PROS1: variants seen among roughly 807,000 people sequenced by gnomAD.
The protein encoded by PROS1 is vitamin K-dependent protein S.
In PROS1, 29 loss-of-function variants were observed where a neutral mutation model predicts 75.9. The ratio of observed to expected loss-of-function variants is 0.38; its 90% CI spans 0.28 to 0.52. The LOEUF (loss-of-function observed/expected upper bound fraction) is 0.52, where lower values mean the gene tolerates loss of function less well. Ranked by LOEUF, PROS1 falls within the 20% of genes least tolerant of loss-of-function variation. The pLI, the probability that PROS1 is intolerant of heterozygous loss-of-function variation, is 0.83. For missense variants in PROS1, 680 were observed against 810.3 expected (o/e 0.84, Z 1.95); for synonymous variants, 245 against 280.6 (o/e 0.87, Z 1.27).
At chr3:93,915,758 C>A (rs1223196097) in intron 3 of PROS1, among the ~76,000 whole-genome samples, 2 of 152,142 alleles carry the variant, frequency 1.3e-5, no homozygotes, top group African/African-American at 4.8e-5. Context: ...TAAGAAGTTA[C>A]ATTCTTTTCC....
chr3:93,905,775 T>C lies in PROS1; in HGVS notation c.601+9A>G, dbSNP rs764788378. 1.1e-5 allele frequency: 18 copies of C among 1,610,770 alleles called. No individual in the cohort carries two copies. Among genetic ancestry groups the C allele is most frequent in the Admixed American group, 6.7e-5 (4 of 59,996 alleles). ...TAAATGTGTTTTAATTCTACCATCCTGCTCTTACCTTTACAATCTTTCTTA... is the reference window on the plus strand; with the variant it reads ...TAAATGTGTTTTAATTCTACCATCCCGCTCTTACCTTTACAATCTTTCTTA... On this transcript the variant is annotated intron_variant, in intron 6 of 14. Coordinates refer to ENST00000394236, the MANE Select transcript of PROS1 (RefSeq NM_000313.4).
At chr3:93,914,599 A>G (rs1708812195) in intron 3 of PROS1, among the ~76,000 whole-genome samples, 1 of 152,108 alleles carries the variant, frequency 6.6e-6, no homozygotes, top group Non-Finnish European at 1.5e-5. Flanking sequence ...AGCTTCAAAA[A>G]TCTCTCAAAT....
intron 14 of PROS1, among the ~76,000 whole-genome samples, chr3:93,875,624 CTCTATCTATCTA>C (rs56899294): frequency 0.06 from 8,847 of 148,164 alleles, 353 homozygotes; most frequent in African/African-American, 0.12. Flanking sequence ...CACTACTTAC[CTCTATCTATCTA>C]TCTATCTATC....
At chr3:93,955,564 G>A (rs1023180021) in intron 1 of PROS1, among the ~76,000 whole-genome samples, 1 of 151,768 alleles carries the variant, frequency 6.6e-6, no homozygotes, top group Non-Finnish European at 1.5e-5. Flanking sequence ...CATAACACAG[G>A]ACGGCCTGTC....
intron 1 of PROS1, 141 bp downstream of exon 1, chr3:93,973,533 T>C: frequency 2.4e-6 from 2 of 839,958 alleles, no homozygotes; most frequent in East Asian, 5.3e-5. Context: ...CACGGCTGTT[T>C]CCATCCGCTG....
chr3:93,896,616 C>A lies in PROS1; in HGVS notation c.925G>T (p.Val309Phe). 1 of 1,613,768 alleles carries A rather than the reference C, an allele frequency of 6.2e-7. No individual in the cohort carries two copies. Among genetic ancestry groups the A allele is most frequent in the Non-Finnish European group, 8.5e-7 (1 of 1,179,782 alleles). ...LLYLAEQFAG[V>F]VLYLKFRLPE... ...AAACGAAATTTTAAATATAAAACAA[C>A]CCCTGCAAACTGCTCCGCCAAGTAA... Residue 309 changes from valine (V) to phenylalanine (F), a missense_variant, in exon 9 of 15, where the codon GTT (valine) becomes TTT (phenylalanine). By Grantham distance (50) the Val-to-Phe change is conservative. Transcript: ENST00000394236.
chr3:93,879,195 A>G lies in PROS1; in HGVS notation c.1612T>C (p.Ser538Pro). The change falls in exon 13 of 15, where the codon TCC (serine) becomes CCC (proline). Residue 538 changes from serine to proline, a missense_variant. Physicochemically the swap from Ser to Pro is moderately conservative, Grantham distance 74. Transcript: ENST00000394236. ...SGNNTVPFAV[S>P]LVDSTSEKSQ... ...TTTTCAGAGGTGGAGTCCACCAAGG[A>G]CACAGCAAAGGGCACTGTGTTGTTA... The G allele has an allele frequency of 6.2e-7, 1 of 1,614,206 alleles. No homozygotes were observed. The highest frequency in any genetic ancestry group is 8.5e-7 in the Non-Finnish European group (1 of 1,180,028).
At chr3:93,931,302 C>T (rs1709101992) in intron 1 of PROS1, among the ~76,000 whole-genome samples, 1 of 152,076 alleles carries the variant, frequency 6.6e-6, no homozygotes, top group Non-Finnish European at 1.5e-5. Flanking sequence ...CATGATGTAC[C>T]TGATTTAACT....
chr3:93,973,800 A>T lies in PROS1; in HGVS notation c.-51T>A. On this transcript the variant is annotated 5_prime_UTR_variant, in exon 1 of 15. Coordinates refer to ENST00000394236, the MANE Select transcript of PROS1 (RefSeq NM_000313.4). ...GGGACGGTGGCGCGTCGCGGCGGGGACCGGAGCGCTAGGCGCCGCGGAGCT... is the reference window on the plus strand; with the variant it reads ...GGGACGGTGGCGCGTCGCGGCGGGGTCCGGAGCGCTAGGCGCCGCGGAGCT... 2.0e-6 allele frequency: 3 copies of T among 1,521,944 alleles called. No individual in the cohort carries two copies. Among genetic ancestry groups the T allele is most frequent in the Non-Finnish European group, 2.7e-6 (3 of 1,115,208 alleles). The allele number at this position is 1,521,944 out of a possible 1,614,324, so 94.3% of individuals were successfully genotyped here. A position where few individuals can be genotyped will look rare whatever the true frequency, so the allele number is the denominator to read the frequency against.
intron 4 of PROS1, among the ~76,000 whole-genome samples, chr3:93,909,126 A>G (rs1330325155): frequency 6.6e-6 from 1 of 152,206 alleles, no homozygotes; most frequent in Non-Finnish European, 1.5e-5. Context: ...TTACCAGAGA[A>G]AAAGAGCAAT....
chr3:93,971,403 T>A (rs184090016), intron 1 of PROS1, among the ~76,000 whole-genome samples: 40 of 141,272 alleles, frequency 2.8e-4, no homozygotes, highest in South Asian at 1.2e-3. Flanking sequence ...AAATAAATAA[T>A]TCTAAATAAA....
Position 93,893,082 on chromosome 3 carries a change from C to T in PROS1, c.1006G>A (p.Gly336Ser). The stretch of plus-strand genomic sequence containing the variant: ...ATAGATTCTGCGTACAGTATCACGC[C>T]TTCTGAATCATATGTCCGGAAATCA... Reference protein sequence around the residue: ...EFDFRTYDSEGVILYAESIDH... With the variant: ...EFDFRTYDSESVILYAESIDH... The change falls in exon 10 of 15, where the codon GGC becomes AGC. Residue 336 changes from glycine (G) to serine (S), a missense_variant. Coordinates refer to ENST00000394236, the MANE Select transcript of PROS1 (RefSeq NM_000313.4). 6.2e-7 allele frequency: 1 copy of T among 1,614,070 alleles called. No homozygotes were observed. Among genetic ancestry groups the T allele is most frequent in the Non-Finnish European group, 8.5e-7 (1 of 1,179,974 alleles).
intron 10 of PROS1, among the ~76,000 whole-genome samples, chr3:93,889,396 A>T (rs1209519461): frequency 6.6e-6 from 1 of 152,322 alleles, no homozygotes; most frequent in South Asian, 2.1e-4. Flanking sequence ...TGCTGAATGA[A>T]TTATGATACA....
At chr3:93,902,190 C>T (rs1009735470) in intron 6 of PROS1, among the ~76,000 whole-genome samples, 2 of 151,990 alleles carry the variant, frequency 1.3e-5, no homozygotes, top group South Asian at 4.1e-4. Flanking sequence ...GTTCTTGTTA[C>T]TAAGGAGGAT....
At chr3:93,955,721 A>AT (rs1709588153) in intron 1 of PROS1, among the ~76,000 whole-genome samples, 1 of 149,606 alleles carries the variant, frequency 6.7e-6, no homozygotes, top group Non-Finnish European at 1.5e-5. Context: ...AACTTAAAGT[A>AT]TAAAAAAAAA....
At chr3:93,885,831 T>A (rs1161601350) in intron 11 of PROS1, among the ~76,000 whole-genome samples, 3 of 152,208 alleles carry the variant, frequency 2.0e-5, no homozygotes, top group Non-Finnish European at 4.4e-5. Flanking sequence ...TTCCAGAGAA[T>A]GAAAGACGGA....
chr3:93,944,811 C>T (rs1166609713), intron 1 of PROS1, among the ~76,000 whole-genome samples: 1 of 151,786 alleles, frequency 6.6e-6, no homozygotes, highest in Non-Finnish European at 1.5e-5. Flanking sequence ...AAGATCAGAG[C>T]AGAACTGAAG....
chr3:93,957,753 C>T (rs1709627528), intron 1 of PROS1, among the ~76,000 whole-genome samples: 1 of 152,150 alleles, frequency 6.6e-6, no homozygotes. Flanking sequence ...GCTCAAATCA[C>T]TTATTGTATT....
chr3:93,952,228 C>A (rs151260907), intron 1 of PROS1, among the ~76,000 whole-genome samples: 1 of 152,284 alleles, frequency 6.6e-6, no homozygotes, highest in Admixed American at 6.5e-5. Context: ...CCAAGAGGAC[C>A]TAATAGACAT....
Sources: allele counts gnomAD v4.1 joint callset (sites outside exome capture counted in the v4.1 genomes callset), GRCh38; gene constraint gnomAD v4.1.1; transcripts MANE v1.5; gene names NCBI Gene and HGNC (gene_info 2026-07-23, HGNC 2026-07-21).